The following COL22A1 variants were observed in gnomAD, a reference collection of about 807,000 sequenced individuals.
COL22A1 encodes the protein collagen type XXII alpha 1 chain.
COL22A1 carries 221 observed loss-of-function variants against 248.9 expected under a neutral mutation model. The ratio of observed to expected loss-of-function variants is 0.89; its 90% CI spans 0.80 to 0.99. The LOEUF (loss-of-function observed/expected upper bound fraction) is 0.99, where lower values mean the gene tolerates loss of function less well. Ranked by LOEUF, COL22A1 falls within the 50% of genes least tolerant of loss-of-function variation. The pLI is 0.00. For synonymous variants in COL22A1, 891 were observed against 793.4 expected (o/e 1.12, Z -2.07); for missense variants, 2,240 against 2,179.0 (o/e 1.03, Z -0.56).
chr8:138,801,875 T>C (rs1039367834), intron 11 of COL22A1, among the ~76,000 whole-genome samples: 1 of 140,228 alleles, frequency 7.1e-6, no homozygotes, highest in Non-Finnish European at 1.6e-5. Flanking sequence ...AGCAAGACTT[T>C]ATCTCAAAAA....
chr8:138,779,552 C>T lies in COL22A1; in HGVS notation c.1661G>A (p.Gly554Glu), dbSNP rs755922675. 6 of 1,612,732 alleles carry T rather than the reference C, an allele frequency of 3.7e-6. No individual in the cohort carries two copies. Among genetic ancestry groups the T allele is most frequent in the Admixed American group, 1.7e-5 (1 of 60,000 alleles). ...CGGCAGCCCCGGCTCTCCCAGCTCTCCTGGCTCCCCCTGAACAAACAAAAC... is the reference window on the plus strand; with the variant it reads ...CGGCAGCCCCGGCTCTCCCAGCTCTTCTGGCTCCCCCTGAACAAACAAAAC... ...DGSKGMRGEP[G>E]ELGEPGLPGE... The change falls in exon 14 of 65, where the codon GGA becomes GAA. Residue 554 changes from glycine (G) to glutamate (E), a missense_variant. Coordinates refer to ENST00000303045, the MANE Select transcript of COL22A1 (RefSeq NM_152888.3).
intron 12 of COL22A1, among the ~76,000 whole-genome samples, chr8:138,788,867 G>A (rs1337177110): frequency 9.9e-5 from 15 of 152,200 alleles, no homozygotes; most frequent in Admixed American, 9.2e-4. Context: ...TCCGAGGCAA[G>A]TATTATTATA....
chr8:138,895,884 A>T lies in COL22A1; in HGVS notation c.-72-12640T>A, dbSNP rs115587494. 3.9e-3 allele frequency among the ~76,000 whole-genome samples: 592 copies of T among 152,338 alleles called. 4 individuals carry two copies. The highest frequency in any genetic ancestry group is 0.013 in the African/African-American group (559 of 41,576). On this transcript the variant is annotated intron_variant, in intron 1 of 64. Coordinates refer to ENST00000303045, the MANE Select transcript of COL22A1 (RefSeq NM_152888.3). ...ATAATCAAACTTCTGAAAACCAGATAAAGACAAGTAAATATTGAAAGAATC... is the reference window on the plus strand; with the variant it reads ...ATAATCAAACTTCTGAAAACCAGATTAAGACAAGTAAATATTGAAAGAATC...
intron 23 of COL22A1, among the ~76,000 whole-genome samples, chr8:138,736,049 G>A (rs894897710): frequency 1.3e-5 from 2 of 152,080 alleles, no homozygotes; most frequent in African/African-American, 4.8e-5. Context: ...TGCCAAAGAG[G>A]CCAGGGGAAC....
chr8:138,755,328 G>A (rs1832910726), intron 20 of COL22A1, 118 bp from the exon 21 acceptor site: 4 of 1,284,900 alleles, frequency 3.1e-6, no homozygotes, highest in Admixed American at 1.7e-5. Flanking sequence ...TCGATAGGGA[G>A]TAGAGGTATG....
At chr8:138,798,206 C>G (rs781493690) in intron 11 of COL22A1, among the ~76,000 whole-genome samples, 2 of 151,300 alleles carry the variant, frequency 1.3e-5, no homozygotes, top group African/African-American at 2.4e-5. Flanking sequence ...ATAGTTTGAT[C>G]TTGTTATTAT....
intron 30 of COL22A1, among the ~76,000 whole-genome samples, chr8:138,713,174 A>C (rs1358029409): frequency 1.3e-5 from 2 of 152,048 alleles, no homozygotes; most frequent in Non-Finnish European, 2.9e-5. Flanking sequence ...CGACTGACGA[A>C]CTACAGTTGT....
Position 138,855,509 on chromosome 8 carries a change from G to A in COL22A1, c.659-11351C>T, listed in dbSNP as rs1297639974. Among the ~76,000 whole-genome samples the A allele has an allele frequency of 5.9e-5, 9 of 152,262 alleles. No individual in the cohort carries two copies. In the South Asian group the frequency reaches 1.2e-3, roughly 21 times the overall value. ...CATCTCCTCCCCGTTTGAGTGCAGT[G>A]GGGCCTCTTGTGCATCGGAGCAGGA... On this transcript the variant is annotated intron_variant, in intron 3 of 64. Transcript: ENST00000303045.
intron 1 of COL22A1, among the ~76,000 whole-genome samples, chr8:138,891,295 A>T (rs1825051023): frequency 1.3e-5 from 2 of 152,212 alleles, no homozygotes; most frequent in South Asian, 4.1e-4. Flanking sequence ...GAGTAATCAC[A>T]GCAGACTTGC....
intron 3 of COL22A1, among the ~76,000 whole-genome samples, chr8:138,857,444 A>C (rs1822122040): frequency 6.6e-6 from 1 of 152,158 alleles, no homozygotes; most frequent in South Asian, 2.1e-4. Context: ...CTGGCCCCCG[A>C]GGCCGATCCA....
intron 3 of COL22A1, among the ~76,000 whole-genome samples, chr8:138,849,905 T>C (rs1468253389): frequency 6.6e-6 from 1 of 152,098 alleles, no homozygotes; most frequent in Non-Finnish European, 1.5e-5. Flanking sequence ...GATAGAATAA[T>C]AACCAGCCAA....
At chr8:138,876,493 C>A (rs1823727808) in intron 3 of COL22A1, among the ~76,000 whole-genome samples, 1 of 152,162 alleles carries the variant, frequency 6.6e-6, no homozygotes, top group Admixed American at 6.5e-5. Context: ...CAGAAATCAG[C>A]ACAAGGCCAT....
At chr8:138,668,954 G>T (rs1824764757) in intron 41 of COL22A1, among the ~76,000 whole-genome samples, 2 of 152,212 alleles carry the variant, frequency 1.3e-5, no homozygotes, top group South Asian at 4.1e-4. Context: ...AAGAGGATGA[G>T]GCAGAGATGT....
intron 53 of COL22A1, 142 bp downstream of exon 53, chr8:138,619,313 G>A (rs914131434): frequency 4.6e-5 from 31 of 675,784 alleles, no homozygotes; most frequent in East Asian, 1.0e-4. Context: ...TGAATTGACC[G>A]CACAGAAGCA....
intron 3 of COL22A1, among the ~76,000 whole-genome samples, chr8:138,866,784 GT>G (rs1822928780): frequency 6.6e-6 from 1 of 151,068 alleles, no homozygotes; most frequent in Non-Finnish European, 1.5e-5. Context: ...GGGTGTAATG[GT>G]TTTTTAAGAA....
chr8:138,606,274 CTGAGCAG>C lies in COL22A1; in HGVS notation c.4104+100_4104+106del, dbSNP rs1482201259. The C allele has an allele frequency of 2.9e-6, 3 of 1,041,116 alleles. No individual in the cohort carries two copies. The African/African-American group carries it at 4.8e-5, about 17-fold the overall frequency. 64.5% of individuals were successfully genotyped at this position (1,041,116 alleles called of 1,614,324 possible). The stretch of plus-strand genomic sequence containing the variant: ...TTGACCCCACACAGGTCATCATGGC[CTGAGCAG>C]ACAGAACTGAGGACACAGGAGGTGG... On this transcript the variant is annotated intron_variant, in intron 58 of 64. Coordinates refer to ENST00000303045, the MANE Select transcript of COL22A1 (RefSeq NM_152888.3).
chr8:138,674,105 A>G (rs764147546), intron 41 of COL22A1, among the ~76,000 whole-genome samples: 2 of 152,060 alleles, frequency 1.3e-5, no homozygotes, highest in Non-Finnish European at 2.9e-5. Flanking sequence ...AGTGATTTCT[A>G]AGATCACCTC....
At chr8:138,755,343 T>C (rs1229926596) in intron 20 of COL22A1, 133 bp from the exon 21 acceptor site, 4 of 1,255,996 alleles carry the variant, frequency 3.2e-6, no homozygotes, top group African/African-American at 3.0e-5. Flanking sequence ...GGTATGGGAG[T>C]GGGTATTTGC....
chr8:138,858,629 A>G (rs978951714), intron 3 of COL22A1, among the ~76,000 whole-genome samples: 20 of 151,858 alleles, frequency 1.3e-4, no homozygotes, highest in African/African-American at 4.8e-4. Context: ...TACCCTCCAA[A>G]CCCTGAGCTT....
Sources: gnomAD v4.1 joint callset for allele counts (sites outside exome capture counted in the v4.1 genomes callset) on GRCh38, gnomAD v4.1.1 for gene constraint, MANE v1.5 for transcripts, NCBI Gene and HGNC (gene_info 2026-07-23, HGNC 2026-07-21) for gene names.